GNG7: variants seen among roughly 807,000 people sequenced by gnomAD.
GNG7 encodes G protein subunit gamma 7.
In GNG7, 1 loss-of-function variant was observed where a neutral mutation model predicts 4.0. The observed-to-expected ratio is 0.25, with a 90% confidence interval of 0.09 to 1.18. The LOEUF is 1.18. Ranked by LOEUF, GNG7 falls within the 50% of genes most tolerant of loss-of-function variation. The pLI is 0.50. For synonymous variants in GNG7, 34 were observed against 36.9 expected, an observed-to-expected ratio of 0.92 and a Z score of 0.29; for missense variants, 86 against 91.9, an observed-to-expected ratio of 0.94 and a Z score of 0.26.
rs1421883737 is a variant in GNG7, at chr19:2,551,589, G to GTATTTATAAA, written c.-38+3559_-38+3560insTTTATAAATA. ...TCTATTATCTATAATATATAAATAT[G>GTATTTATAAA]CATTTATAAATATATAAACAAATAT... On this transcript the variant is annotated intron_variant, in intron 3 of 4. Coordinates refer to ENST00000382159, the MANE Select transcript of GNG7 (RefSeq NM_052847.3). 5.5e-5 allele frequency among the ~76,000 whole-genome samples: 8 copies of GTATTTATAAA among 145,756 alleles called. 1 individual carries two copies. The Admixed American group carries it at 5.5e-4, about 10-fold the overall frequency.
intron 1 of GNG7, among the ~76,000 whole-genome samples, chr19:2,671,455 C>G (rs1275185162): frequency 6.6e-6 from 1 of 152,154 alleles, no homozygotes; most frequent in Non-Finnish European, 1.5e-5. Context: ...GTCCGGCCTG[C>G]CTTCTGCCTC....
At chr19:2,561,100 C>A (rs184879691) in intron 2 of GNG7, among the ~76,000 whole-genome samples, 14 of 152,286 alleles carry the variant, frequency 9.2e-5, no homozygotes, top group Non-Finnish European at 1.5e-4. Context: ...CTCTCCCTCC[C>A]CCATTCAAGG....
rs534006322 is a variant in GNG7 at position 2,521,071 on chromosome 19, C to T, written c.-37-346G>A. On this transcript the variant is annotated intron_variant, in intron 3 of 4. Transcript: ENST00000382159. ...GAGATCGAGACCATCCTGGCTAACA[C>T]GGTGAAACCTCATCGTTACTAAAAA... 7.2e-4 allele frequency among the ~76,000 whole-genome samples: 106 copies of T among 146,854 alleles called. 2 individuals carry two copies. The Middle Eastern group carries it at 0.011, about 15-fold the overall frequency.
At chr19:2,696,980 G>A (rs1408491570) in intron 1 of GNG7, among the ~76,000 whole-genome samples, 3 of 151,568 alleles carry the variant, frequency 2.0e-5, no homozygotes, top group African/African-American at 4.9e-5. Context: ...AGCCTCCTGA[G>A]TAGCTGGGAT....
rs987007192 is a variant in GNG7 at position 2,550,470 on chromosome 19, C to T, written c.-38+4679G>A. 5.3e-5 allele frequency among the ~76,000 whole-genome samples: 8 copies of T among 152,168 alleles called. No homozygotes were observed. The East Asian group carries it at 5.8e-4, about 11-fold the overall frequency. ...TGAACTCCTGACCTCAAGTGATCTC[C>T]GCCCACCTCAGCCTCCCAAAGTGCT... On this transcript the variant is annotated intron_variant, in intron 3 of 4. Transcript: ENST00000382159.
intron 2 of GNG7, among the ~76,000 whole-genome samples, chr19:2,605,015 T>A (rs75711640): frequency 0.021 from 3,145 of 152,228 alleles, 113 homozygotes; most frequent in African/African-American, 0.071. Flanking sequence ...TCTCTATGGC[T>A]CTGGAGGTCA....
In GNG7 at chr19:2,546,631, G is replaced by T. The variant is rs8099936; in HGVS notation, c.-38+8518C>A. ...AGTGAAAAATAGACCAGCGGGGCAGGTCCCGCCGCTGCCTTCAGCCGGAGC... is the reference window on the plus strand; with the variant it reads ...AGTGAAAAATAGACCAGCGGGGCAGTTCCCGCCGCTGCCTTCAGCCGGAGC... On this transcript the variant is annotated intron_variant, in intron 3 of 4. Coordinates refer to ENST00000382159, the MANE Select transcript of GNG7 (RefSeq NM_052847.3). This position sits in a 1 kb window ranked among gnomAD's most constrained non-coding sequence, Gnocchi z 6.3. 0.081 allele frequency among the ~76,000 whole-genome samples: 12,394 copies of T among 152,250 alleles called. 616 individuals are homozygous for T. Among genetic ancestry groups the T allele is most frequent in the South Asian group, 0.16 (788 of 4,826 alleles).
rs114939293 is a variant in GNG7 at position 2,523,685 on chromosome 19, G to A, written c.-37-2960C>T. ...TGTGGAACCTGAGTGAGGCTGGTGG[G>A]TGTGTGACTGTCTGGCTGCGATCCT... On this transcript the variant is annotated intron_variant, in intron 3 of 4. Coordinates refer to ENST00000382159, the MANE Select transcript of GNG7 (RefSeq NM_052847.3). 6.5e-3 allele frequency among the ~76,000 whole-genome samples: 997 copies of A among 152,234 alleles called. 11 individuals are homozygous for A. The highest frequency in any genetic ancestry group is 0.023 in the African/African-American group (954 of 41,532).
intron 2 of GNG7, among the ~76,000 whole-genome samples, chr19:2,613,284 C>T (rs966687122): frequency 6.6e-5 from 10 of 152,190 alleles, no homozygotes; most frequent in Non-Finnish European, 1.3e-4. Context: ...TGAATTAACA[C>T]ATAGGGGGGC....
chr19:2,582,772 G>A (rs565210538), intron 2 of GNG7, among the ~76,000 whole-genome samples: 54 of 147,564 alleles, frequency 3.7e-4, no homozygotes, highest in African/African-American at 1.2e-3. Context: ...ACGTTCAAGC[G>A]ATTCTCCTGC....
At chr19:2,678,663 G>T (rs139984714) in intron 1 of GNG7, among the ~76,000 whole-genome samples, 100 of 152,124 alleles carry the variant, frequency 6.6e-4, no homozygotes, top group African/African-American at 2.4e-3. Context: ...GTCTCGGAGG[G>T]TCCTGGGCAG....
At position 2,520,709 on chromosome 19, in the gene GNG7, C is replaced by T. The variant is rs1203297479; in HGVS notation, c.-21G>A. 8 of 1,457,416 alleles carry T rather than the reference C, an allele frequency of 5.5e-6. No individual in the cohort carries two copies. The Admixed American group carries it at 5.9e-5, about 11-fold the overall frequency. The allele number at this position is 1,457,416 out of a possible 1,614,324, so 90.3% of individuals were successfully genotyped here. A position where few individuals can be genotyped will look rare whatever the true frequency, so the allele number is the denominator to read the frequency against. On this transcript the variant is annotated 5_prime_UTR_variant, in exon 4 of 5. Coordinates refer to ENST00000382159, the MANE Select transcript of GNG7 (RefSeq NM_052847.3). ...GACATTGTCTGCCATCAGCTCTGGGCCCCGTTGTTCAGAGAGCTGTGGGGG... is the reference window on the plus strand; with the variant it reads ...GACATTGTCTGCCATCAGCTCTGGGTCCCGTTGTTCAGAGAGCTGTGGGGG...
intron 2 of GNG7, among the ~76,000 whole-genome samples, chr19:2,595,471 T>A (rs1248195155): frequency 6.6e-6 from 1 of 151,570 alleles, no homozygotes; most frequent in Non-Finnish European, 1.5e-5. Flanking sequence ...CAGTGGCTCA[T>A]GCCTGTAATC....
chr19:2,547,149 C>G (rs1979156739), intron 3 of GNG7, among the ~76,000 whole-genome samples: 1 of 150,982 alleles, frequency 6.6e-6, no homozygotes, highest in Non-Finnish European at 1.5e-5. Flanking sequence ...CCCCTGATTG[C>G]AACCATCTAT....
rs1040748321 is a variant in GNG7, at chr19:2,603,074, G to C, written c.-78+43150C>G. Among the ~76,000 whole-genome samples the C allele has an allele frequency of 2.4e-5, 3 of 123,622 alleles. 1 individual carries two copies. Among genetic ancestry groups the C allele is most frequent in the East Asian group, 2.2e-4 (1 of 4,484 alleles). The allele number at this position is 123,622 out of a possible 152,430, so 81.1% of individuals were successfully genotyped here. A position where few individuals can be genotyped will look rare whatever the true frequency, so the allele number is the denominator to read the frequency against. On this transcript the variant is annotated intron_variant, in intron 2 of 4. Transcript: ENST00000382159. ...CTTTTTCTCTTTTCTGTTCTGTTCT[G>C]TTCTTTTTTTTGATGGAGTTTCGCT... is the stretch of plus-strand genomic sequence containing the variant.
At chr19:2,593,635 T>C (rs1035419839) in intron 2 of GNG7, among the ~76,000 whole-genome samples, 1 of 151,744 alleles carries the variant, frequency 6.6e-6, no homozygotes, top group Non-Finnish European at 1.5e-5. Context: ...TCCCAGCTAC[T>C]AGGGGTGCTG....
chr19:2,553,797 A>G (rs1459339423), intron 3 of GNG7, among the ~76,000 whole-genome samples: 2 of 125,578 alleles, frequency 1.6e-5, no homozygotes, highest in Non-Finnish European at 3.2e-5. Context: ...ACATGTACGT[A>G]TCATGTGTAA....
chr19:2,570,124 G>A (rs1338489479), intron 2 of GNG7, among the ~76,000 whole-genome samples: 1 of 151,960 alleles, frequency 6.6e-6, no homozygotes, highest in Non-Finnish European at 1.5e-5. Context: ...GTTCACGGAC[G>A]ACCTGGTTGT....
intron 2 of GNG7, among the ~76,000 whole-genome samples, chr19:2,558,131 G>A (rs78267340): frequency 0.83 from 125,135 of 151,648 alleles, 51,956 homozygotes; most frequent in African/African-American, 0.91. Flanking sequence ...GTGAGCCACC[G>A]CGCCCGGCCT....
Sources: allele counts gnomAD v4.1 joint callset (sites outside exome capture counted in the v4.1 genomes callset), GRCh38; gene constraint gnomAD v4.1.1; non-coding constraint Gnocchi (gnomAD v3.1); transcripts MANE v1.5; gene names NCBI Gene and HGNC (gene_info 2026-07-23, HGNC 2026-07-21).